Variants in BAG6 observed in about 807,000 individuals in gnomAD.
BAG6 encodes the protein large proline-rich protein BAG6.
Under a neutral mutation model 121.0 loss-of-function variants are expected in BAG6, and 22 were observed. That is an observed-to-expected ratio of 0.18 (90% CI 0.13 to 0.26). The LOEUF is 0.26. Among genes scored for constraint, BAG6 ranks in the 10% least tolerant of loss-of-function variants. BAG6 has a pLI of 1.00. For synonymous variants in BAG6, 583 were observed against 584.6 expected (o/e 1.00, Z 0.04); for missense variants, 1,233 against 1,537.7 (o/e 0.80, Z 3.31).
In BAG6 at chr6:31,640,790, A is replaced by T. The variant is rs1781991107; in HGVS notation, c.2934+2T>A. ...GACCCCATCGCCCAACAGGTCCCTT[A>T]CCTGGGGGGGATCACCAACCCTGCG... On this transcript the variant is annotated splice_donor_variant, in intron 21 of 25. Transcript: ENST00000676615. LOFTEE classifies it high-confidence loss of function. The surrounding 1 kb of genome is among the most constrained non-coding windows in gnomAD (Gnocchi z 4.2). The T allele has an allele frequency of 5.0e-6, 8 of 1,612,646 alleles. No individual in the cohort carries two copies. The highest frequency in any genetic ancestry group is 6.8e-6 in the Non-Finnish European group (8 of 1,180,026).
intron 1 of BAG6, 29 bp from the exon 2 acceptor site, chr6:31,651,805 G>A (rs377179808): frequency 1.9e-4 from 301 of 1,564,422 alleles, no homozygotes; most frequent in Non-Finnish European, 2.5e-4. Context: ...AGGAAGGCCC[G>A]CTGTTGCCCA....
intron 8 of BAG6, 33 bp downstream of exon 8, chr6:31,646,361 G>C: frequency 6.2e-7 from 1 of 1,605,464 alleles, no homozygotes; most frequent in Non-Finnish European, 8.5e-7. Context: ...TACTGGGGCT[G>C]AGGAGAAAGG....
At position 31,645,610 on chromosome 6, in the gene BAG6, C is replaced by T. The variant is rs762608566; in HGVS notation, c.919-6G>A. On this transcript the variant is annotated splice_polypyrimidine_tract_variant and splice_region_variant and intron_variant, in intron 8 of 25. Transcript: ENST00000676615. ...TCCTCCTCCCGGCCCTCGTGCTGCG[C>T]ACAACCAGCCAAACACAAAAAGGCA... The T allele has an allele frequency of 5.6e-6, 9 of 1,612,594 alleles. No individual in the cohort carries two copies. The African/African-American group carries it at 1.2e-4, about 22-fold the overall frequency.
In BAG6 at chr6:31,639,036, A is replaced by G. The variant is rs115247800; in HGVS notation, c.*95T>C. 16,008 of 990,956 alleles carry G rather than the reference A, an allele frequency of 0.016. 164 individuals are homozygous for G. Among genetic ancestry groups the G allele is most frequent in the Non-Finnish European group, 0.019 (12,538 of 666,168 alleles). 61.4% of individuals were successfully genotyped at this position (990,956 alleles called of 1,614,324 possible). A position where few individuals can be genotyped will look rare whatever the true frequency, so the allele number is the denominator to read the frequency against. ...ACCTAATGGAGACAATGTAGAGAGA[A>G]AGCAGCCAGAAAAATCCGACTTTTA... On this transcript the variant is annotated 3_prime_UTR_variant, in exon 26 of 26. Transcript: ENST00000676615.
At position 31,640,741 on chromosome 6, in the gene BAG6, C is replaced by G. The variant is rs769446010; in HGVS notation, c.2935-37G>C. 4 of 1,612,848 alleles carry G rather than the reference C, an allele frequency of 2.5e-6. No homozygotes were observed. Among genetic ancestry groups the G allele is most frequent in the South Asian group, 1.1e-5 (1 of 91,088 alleles). On this transcript the variant is annotated intron_variant, in intron 21 of 25. Coordinates refer to ENST00000676615, the MANE Select transcript of BAG6 (RefSeq NM_001387994.1). The surrounding 1 kb of genome is among the most constrained non-coding windows in gnomAD (Gnocchi z 4.2). ...AAGAACACCATACTTCCTCTCAGAT[C>G]TCTCCAGTTCTCTCAAGTACCCTGA...
Position 31,639,583 on chromosome 6 carries a change from C to T in BAG6, c.3310G>A (p.Ala1104Thr). Residue 1104 changes from alanine (A) to threonine (T), a missense_variant, in exon 25 of 26, where the codon GCC (alanine) becomes ACC (threonine). Transcript: ENST00000676615. ...SEAVSRAAKA[A>T]GARPLTSPES... is the part of the protein sequence containing the mutation. ...GGGCTCGTCAGGGGCCGAGCTCCGG[C>T]TGCCTTAGCTGCCCGGCTCACAGCC... is the stretch of plus-strand genomic sequence containing the variant. The T allele has an allele frequency of 6.2e-7, 1 of 1,614,078 alleles. No homozygotes were observed. The highest frequency in any genetic ancestry group is 8.5e-7 in the Non-Finnish European group (1 of 1,179,944).
intron 2 of BAG6, 55 bp from the exon 3 acceptor site, chr6:31,649,682 A>C: frequency 2.7e-6 from 4 of 1,501,766 alleles, no homozygotes; most frequent in Non-Finnish European, 3.7e-6. Flanking sequence ...GAGGAAGAAC[A>C]AAGACAGACA....
intron 2 of BAG6, among the ~76,000 whole-genome samples, chr6:31,650,402 C>G (rs900690274): frequency 6.6e-6 from 1 of 152,048 alleles, no homozygotes; most frequent in African/African-American, 2.4e-5. Context: ...TGGCTCACAC[C>G]TGTAATCCCA....
chr6:31,642,793 C>T (rs908731990), intron 15 of BAG6, 36 bp downstream of exon 15: 3 of 1,602,694 alleles, frequency 1.9e-6, no homozygotes, highest in Non-Finnish European at 1.7e-6. Context: ...GGCCGGGGGA[C>T]AGGAAGATGA....
chr6:31,649,125 A>G, intron 4 of BAG6, 74 bp downstream of exon 4: 2 of 1,572,922 alleles, frequency 1.3e-6, no homozygotes, highest in Admixed American at 1.7e-5. Flanking sequence ...GGAAGCATCT[A>G]TCTTATTAAT....
intron 6 of BAG6, 47 bp downstream of exon 6, chr6:31,648,630 G>T (rs1392237151): frequency 2.5e-6 from 4 of 1,588,704 alleles, no homozygotes; most frequent in Non-Finnish European, 3.4e-6. Context: ...TGAGAGAAAA[G>T]GGAGAGGGAG....
Position 31,645,292 on chromosome 6 carries a change from C to T in BAG6, c.1117-94G>A, listed in dbSNP as rs1228829818. On this transcript the variant is annotated intron_variant, in intron 9 of 25. Transcript: ENST00000676615. Reference sequence around the variant, plus strand: ...AAACCTCTAAAGTATCTCCAGCCTTCATCACCATGTTTCCAGTCTCCTCCT... The same window carrying T: ...AAACCTCTAAAGTATCTCCAGCCTTTATCACCATGTTTCCAGTCTCCTCCT... The T allele has an allele frequency of 4.4e-6, 7 of 1,605,150 alleles. No homozygotes were observed. The Admixed American group carries it at 6.9e-5, about 16-fold the overall frequency.
At position 31,640,096 on chromosome 6, in the gene BAG6, G is replaced by C; in HGVS notation, c.3246+103C>G. The C allele has an allele frequency of 8.5e-7, 1 of 1,178,600 alleles. No individual in the cohort carries two copies. The highest frequency in any genetic ancestry group is 1.2e-6 in the Non-Finnish European group (1 of 811,584). The allele number at this position is 1,178,600 out of a possible 1,614,324, so 73.0% of individuals were successfully genotyped here. A position where few individuals can be genotyped will look rare whatever the true frequency, so the allele number is the denominator to read the frequency against. ...GTTTCCTCATTAAACGAGGGGAGGG[G>C]AGACTGAATAACAAGAGCTCCCACC... On this transcript the variant is annotated intron_variant, in intron 24 of 25. Coordinates refer to ENST00000676615, the MANE Select transcript of BAG6 (RefSeq NM_001387994.1). The surrounding 1 kb of genome is among the most constrained non-coding windows in gnomAD (Gnocchi z 4.2).
chr6:31,645,838 G>A (rs776535695), intron 8 of BAG6, among the ~76,000 whole-genome samples: 1 of 152,176 alleles, frequency 6.6e-6, no homozygotes, highest in Non-Finnish European at 1.5e-5. Context: ...CTGATCTCCT[G>A]TACTTTACAT....
intron 15 of BAG6, 97 bp from the exon 16 acceptor site, chr6:31,642,500 G>A (rs371555273): frequency 1.2e-5 from 8 of 656,684 alleles, no homozygotes; most frequent in East Asian, 5.4e-5. Flanking sequence ...CAACGGGTCT[G>A]GGAAGATGGG....
chr6:31,650,455 A>G (rs1795146777), intron 2 of BAG6, among the ~76,000 whole-genome samples: 1 of 152,158 alleles, frequency 6.6e-6, no homozygotes. Flanking sequence ...TGAGGTCAGG[A>G]GTTCAAGACC....
At chr6:31,648,860 A>G (rs573335484) in intron 5 of BAG6, 51 bp downstream of exon 5, 183 of 1,570,946 alleles carry the variant, frequency 1.2e-4, no homozygotes, top group Non-Finnish European at 1.5e-4. Context: ...CCCACCTCCC[A>G]GCCTCCTTCT....
chr6:31,651,511 C>G (rs1349906053), intron 2 of BAG6, 145 bp downstream of exon 2: 1 of 695,336 alleles, frequency 1.4e-6, no homozygotes, highest in African/African-American at 1.8e-5. Flanking sequence ...TGCACTCCAG[C>G]CTGGAAGACA....
Position 31,641,596 on chromosome 6 carries a change from T to C in BAG6, c.2506-4A>G, listed in dbSNP as rs1375332005. On this transcript the variant is annotated splice_region_variant and splice_polypyrimidine_tract_variant and intron_variant, in intron 17 of 25. Coordinates refer to ENST00000676615, the MANE Select transcript of BAG6 (RefSeq NM_001387994.1). The surrounding 1 kb of genome is among the most constrained non-coding windows in gnomAD (Gnocchi z 5.7). ...TGATCAATGTGTGGGTTGCCATCTG[T>C]GGAGGAAACAGAACAGGTTTAGTTC... 1.9e-6 allele frequency: 3 copies of C among 1,613,998 alleles called. No homozygotes were observed. In the Admixed American group the frequency reaches 5.0e-5, roughly 27 times the overall value.
Sources: allele counts gnomAD v4.1 joint callset (sites outside exome capture counted in the v4.1 genomes callset), GRCh38; gene constraint gnomAD v4.1.1; non-coding constraint Gnocchi (gnomAD v3.1); transcripts MANE v1.5; gene names NCBI Gene and HGNC (gene_info 2026-07-23, HGNC 2026-07-21).